NXPE4: variants seen among roughly 807,000 people sequenced by gnomAD.
NXPE4 encodes neurexophilin and PC-esterase domain family member 4.
NXPE4 carries 42 observed loss-of-function variants against 33.3 expected under a neutral mutation model. The observed-to-expected ratio is 1.26, with a 90% CI of 0.98 to 1.63. NXPE4 has a LOEUF of 1.63. NXPE4 is among the 40% of genes most tolerant of loss of function. NXPE4 has a pLI of 0.00. For missense variants in NXPE4, 709 were observed against 647.6 expected (o/e 1.09, Z -1.03); for synonymous variants, 253 against 234.9 (o/e 1.08, Z -0.71).
chr11:114,620,515 C>T, the NXPE4 span, among the ~76,000 whole-genome samples: 508 of 151,788 alleles, frequency 3.3e-3, 3 homozygotes, highest in African/African-American at 0.011. Flanking sequence ...TCTAGGGTAA[C>T]CACTTTAAGG....
chr11:114,663,161 C>G, the NXPE4 span, among the ~76,000 whole-genome samples: 5 of 152,226 alleles, frequency 3.3e-5, no homozygotes, highest in Non-Finnish European at 5.9e-5. Flanking sequence ...GGTAGTCTGG[C>G]AGTACTCCCT....
the NXPE4 span, among the ~76,000 whole-genome samples, chr11:114,617,097 T>C: frequency 6.6e-6 from 1 of 151,998 alleles, no homozygotes. Flanking sequence ...GCATGGATAA[T>C]AAGTGTTGCC....
At chr11:114,677,614 G>A in the NXPE4 span, among the ~76,000 whole-genome samples, 15 of 152,132 alleles carry the variant, frequency 9.9e-5, no homozygotes, top group African/African-American at 2.9e-4. Flanking sequence ...TGTGATTACA[G>A]TTCTGATATC....
the NXPE4 span, among the ~76,000 whole-genome samples, chr11:114,629,382 A>C: frequency 2.1e-3 from 310 of 146,246 alleles, no homozygotes; most frequent in African/African-American, 6.4e-3. Context: ...AAATCAATAA[A>C]TGTAATCCAG....
the NXPE4 span, among the ~76,000 whole-genome samples, chr11:114,677,771 CATCT>C: frequency 1.3e-5 from 2 of 151,968 alleles, no homozygotes. Context: ...AGATAGCTAT[CATCT>C]ATCTATATCT....
At chr11:114,578,104 G>A (rs1463486747) in intron 5 of NXPE4, among the ~76,000 whole-genome samples, 2 of 152,112 alleles carry the variant, frequency 1.3e-5, no homozygotes, top group Non-Finnish European at 2.9e-5. Context: ...AACTTTTGAG[G>A]AAAATGTTCA....
At chr11:114,635,426 T>G in the NXPE4 span, among the ~76,000 whole-genome samples, 2 of 151,480 alleles carry the variant, frequency 1.3e-5, no homozygotes, top group African/African-American at 4.9e-5. Context: ...ACAATTTGAC[T>G]TCCTCTTTTC....
At chr11:114,627,193 G>A in the NXPE4 span, among the ~76,000 whole-genome samples, 39 of 152,014 alleles carry the variant, frequency 2.6e-4, no homozygotes, top group African/African-American at 8.9e-4. Context: ...TCCTCGAGAA[G>A]AGCAACCCCA....
In NXPE4 at chr11:114,582,379, G is replaced by C. The variant is rs1002876793; in HGVS notation, c.739C>G (p.Gln247Glu). The change falls in exon 3 of 6, where the codon CAA becomes GAA. Residue 247 changes from glutamine (Q) to glutamate (E), a missense_variant. Gln to Glu is a conservative substitution (Grantham distance 29). Coordinates refer to ENST00000375478, the MANE Select transcript of NXPE4 (RefSeq NM_001077639.2). ...GTGAGTGCAGCACAGGGCATGTGTT[G>C]AGGCCTCACACAGTAGAAGCCTTCT... The part of the protein sequence containing the change: ...DQEGFYCVRP[Q>E]HMPCAALTHM... 4 of 1,614,110 alleles carry C rather than the reference G, an allele frequency of 2.5e-6. No individual in the cohort carries two copies. The African/African-American group carries it at 4.0e-5, about 16-fold the overall frequency.
At chr11:114,632,271 A>C in the NXPE4 span, among the ~76,000 whole-genome samples, 4 of 139,070 alleles carry the variant, frequency 2.9e-5, no homozygotes, top group African/African-American at 1.0e-4. Context: ...ATATATATGT[A>C]TATATACTAT....
chr11:114,605,021 G>A, the NXPE4 span, among the ~76,000 whole-genome samples: 8 of 151,836 alleles, frequency 5.3e-5, 1 homozygote, highest in South Asian at 1.7e-3. Flanking sequence ...GGTAACCACT[G>A]TAACCCAGTG....
chr11:114,625,794 G>C, the NXPE4 span, among the ~76,000 whole-genome samples: 1 of 152,142 alleles, frequency 6.6e-6, no homozygotes, highest in South Asian at 2.1e-4. Flanking sequence ...GTGCCAGACA[G>C]TGGGTGCAGG....
At chr11:114,621,849 C>T in the NXPE4 span, among the ~76,000 whole-genome samples, 1 of 151,858 alleles carries the variant, frequency 6.6e-6, no homozygotes, top group Non-Finnish European at 1.5e-5. Flanking sequence ...ATAAATATTG[C>T]CTCATGGGTA....
the NXPE4 span, among the ~76,000 whole-genome samples, chr11:114,653,037 C>T: frequency 6.6e-6 from 1 of 152,136 alleles, no homozygotes; most frequent in South Asian, 2.1e-4. Context: ...TGATGTAGAA[C>T]TCATCATTAT....
chr11:114,619,255 A>C, the NXPE4 span, among the ~76,000 whole-genome samples: 1 of 150,070 alleles, frequency 6.7e-6, no homozygotes, highest in Non-Finnish European at 1.5e-5. Flanking sequence ...ATGCCTCTTG[A>C]GTAATCAATG....
chr11:114,631,722 A>G, the NXPE4 span, among the ~76,000 whole-genome samples: 2 of 151,710 alleles, frequency 1.3e-5, no homozygotes, highest in African/African-American at 4.9e-5. Flanking sequence ...CCGGTGGGTA[A>G]TAAGTATTGC....
chr11:114,666,183 C>T, the NXPE4 span, among the ~76,000 whole-genome samples: 1 of 152,150 alleles, frequency 6.6e-6, no homozygotes, highest in Non-Finnish European at 1.5e-5. Context: ...CACATTTTCC[C>T]CATTTTGCTT....
chr11:114,616,972 A>G, the NXPE4 span, among the ~76,000 whole-genome samples: 3 of 146,514 alleles, frequency 2.0e-5, no homozygotes, highest in Admixed American at 6.6e-5. Context: ...CCGGTTTATT[A>G]TTAGTGTTTC....
chr11:114,653,992 T>C, the NXPE4 span, among the ~76,000 whole-genome samples: 1 of 152,122 alleles, frequency 6.6e-6, no homozygotes, highest in Non-Finnish European at 1.5e-5. Context: ...AAGGAAGGCA[T>C]ACCCGGCAGA....
Sources: gnomAD v4.1 joint callset for allele counts (sites outside exome capture counted in the v4.1 genomes callset) on GRCh38, gnomAD v4.1.1 for gene constraint, MANE v1.5 for transcripts, NCBI Gene and HGNC (gene_info 2026-07-23, HGNC 2026-07-21) for gene names.